DEPDC5: variants seen among roughly 807,000 people sequenced by gnomAD.
DEPDC5 encodes GATOR1 complex protein DEPDC5.
In DEPDC5, 73 loss-of-function variants were observed where a neutral mutation model predicts 217.3. The observed-to-expected ratio is 0.34, with a 90% CI of 0.28 to 0.41. The LOEUF is 0.41. Among genes scored for constraint, DEPDC5 ranks in the 10% least tolerant of loss-of-function variants. The pLI is 1.00. For missense variants in DEPDC5, 1,675 were observed against 2,070.1 expected, an observed-to-expected ratio of 0.81 and a Z score of 3.70; for synonymous variants, 733 against 756.7, an observed-to-expected ratio of 0.97 and a Z score of 0.51.
chr22:31,820,655 T>G (rs925912947), intron 22 of DEPDC5, among the ~76,000 whole-genome samples: 4 of 152,172 alleles, frequency 2.6e-5, no homozygotes, highest in African/African-American at 4.8e-5. Flanking sequence ...ACTGGTTCCC[T>G]TCCAGGTCAC....
chr22:31,758,668 T>A, intron 3 of DEPDC5, 35 bp downstream of exon 3: 1 of 1,584,386 alleles, frequency 6.3e-7, no homozygotes, highest in Non-Finnish European at 8.7e-7. Flanking sequence ...AACTGGGCAA[T>A]TCACTGTTTC....
chr22:31,901,664 A>C, intron 40 of DEPDC5, 78 bp from the exon 41 acceptor site: 2 of 1,273,990 alleles, frequency 1.6e-6, no homozygotes, highest in Non-Finnish European at 2.2e-6. Context: ...AGAGTAGTAA[A>C]GGGTACAGAA....
Position 31,766,768 on chromosome 22 carries a change from A to G in DEPDC5, c.363+100A>G, listed in dbSNP as rs878888741. 26 of 1,014,804 alleles carry G rather than the reference A, an allele frequency of 2.6e-5. No individual in the cohort carries two copies. The South Asian group carries it at 3.7e-4, about 14-fold the overall frequency. The allele number at this position is 1,014,804 out of a possible 1,614,324, so 62.9% of individuals were successfully genotyped here. ...AATATAAAATCGTTTCTGATTTTAT[A>G]TCAGCATCTACAGACAATTATTGTC... On this transcript the variant is annotated intron_variant, in intron 6 of 42. Transcript: ENST00000651528.
intron 36 of DEPDC5, chr22:31,875,937 G>A: frequency 2.1e-6 from 1 of 466,318 alleles, no homozygotes; most frequent in Non-Finnish European, 3.8e-6. Flanking sequence ...CCGGCCATCT[G>A]AATTTCTTCA....
chr22:31,783,363 G>T (rs560738185), intron 8 of DEPDC5, among the ~76,000 whole-genome samples: 1 of 152,208 alleles, frequency 6.6e-6, no homozygotes, highest in Non-Finnish European at 1.5e-5. Context: ...CACCATGAAG[G>T]TCCGCAGCTT....
At chr22:31,886,755 C>CG (rs2093322799) in intron 38 of DEPDC5, among the ~76,000 whole-genome samples, 1 of 52,122 alleles carries the variant, frequency 1.9e-5, no homozygotes, top group African/African-American at 5.7e-5. Context: ...GTCTCCATCT[C>CG]AAAAAAAAAA....
At chr22:31,788,666 C>T (rs552061631) in intron 10 of DEPDC5, among the ~76,000 whole-genome samples, 187 of 149,250 alleles carry the variant, frequency 1.3e-3, no homozygotes, top group African/African-American at 4.3e-3. Flanking sequence ...CTCTGCCTCC[C>T]GGGTTCAAGC....
At chr22:31,891,154 G>T in intron 38 of DEPDC5, 1 of 489,502 alleles carries the variant, frequency 2.0e-6, no homozygotes, top group South Asian at 1.9e-5. Flanking sequence ...TTATTTTTTT[G>T]TAGGAGCTCC....
intron 37 of DEPDC5, among the ~76,000 whole-genome samples, chr22:31,879,206 T>C (rs2093106336): frequency 6.6e-6 from 1 of 151,612 alleles, no homozygotes; most frequent in Non-Finnish European, 1.5e-5. Flanking sequence ...TCAGTGCATT[T>C]AGTACATCCA....
intron 4 of DEPDC5, among the ~76,000 whole-genome samples, chr22:31,763,286 G>A (rs1156440611): frequency 6.6e-6 from 1 of 151,988 alleles, no homozygotes; most frequent in African/African-American, 2.4e-5. Flanking sequence ...ACCATGCCCG[G>A]CCTAATTTTT....
chr22:31,836,677 G>T (rs549053520), intron 25 of DEPDC5, among the ~76,000 whole-genome samples: 1 of 152,136 alleles, frequency 6.6e-6, no homozygotes, highest in Non-Finnish European at 1.5e-5. Flanking sequence ...CTGCCCTGCC[G>T]TAATCTCACC....
intron 3 of DEPDC5, 88 bp downstream of exon 3, chr22:31,758,721 T>C: frequency 7.8e-7 from 1 of 1,283,180 alleles, no homozygotes; most frequent in Non-Finnish European, 1.1e-6. Flanking sequence ...CCTTTCAAAA[T>C]GCTCATGCTG....
At chr22:31,841,231 T>C (rs991005250) in intron 27 of DEPDC5, among the ~76,000 whole-genome samples, 3 of 152,246 alleles carry the variant, frequency 2.0e-5, no homozygotes, top group Non-Finnish European at 4.4e-5. Context: ...TGTATGCAGC[T>C]GGCCTGCTAC....
intron 23 of DEPDC5, 150 bp downstream of exon 23, chr22:31,821,787 T>A: frequency 8.9e-7 from 1 of 1,120,530 alleles, no homozygotes; most frequent in Non-Finnish European, 1.2e-6. Flanking sequence ...GCCAGTGGCA[T>A]TCCCTTCAGT....
At chr22:31,888,876 T>G (rs1322952806) in intron 38 of DEPDC5, among the ~76,000 whole-genome samples, 1 of 152,210 alleles carries the variant, frequency 6.6e-6, no homozygotes, top group Non-Finnish European at 1.5e-5. Context: ...CACTGGATTT[T>G]GGGATCAGAA....
chr22:31,901,242 C>CAA (rs1241211030), intron 40 of DEPDC5, among the ~76,000 whole-genome samples: 21 of 97,340 alleles, frequency 2.2e-4, no homozygotes, highest in Middle Eastern at 7.0e-3. Context: ...GACTCTCCCT[C>CAA]AAAAAAAAAA....
chr22:31,895,320 G>C (rs541287233), intron 39 of DEPDC5, among the ~76,000 whole-genome samples: 1 of 152,230 alleles, frequency 6.6e-6, no homozygotes, highest in South Asian at 2.1e-4. Flanking sequence ...GAGAAGCCCT[G>C]TTTTAACTGG....
chr22:31,848,739 T>G (rs1487400223), intron 31 of DEPDC5, among the ~76,000 whole-genome samples: 1 of 152,250 alleles, frequency 6.6e-6, no homozygotes, highest in African/African-American at 2.4e-5. Flanking sequence ...TGCAAATTTC[T>G]GCAGTAGGCT....
chr22:31,774,297 TCAAG>T lies in DEPDC5; in HGVS notation c.414-3798_414-3795del, dbSNP rs1236255430. Reference sequence around the variant, plus strand: ...GCTCTGCAACCTCTGCCTCCCAGGCTCAAGCAATTCTCCTGCCTCAGCCTCTCAA... The same window carrying T: ...GCTCTGCAACCTCTGCCTCCCAGGCTCAATTCTCCTGCCTCAGCCTCTCAA... On this transcript the variant is annotated intron_variant, in intron 7 of 42. Coordinates refer to ENST00000651528, the MANE Select transcript of DEPDC5 (RefSeq NM_001242896.3). Among the ~76,000 whole-genome samples, 16 of 149,366 alleles carry T rather than the reference TCAAG, an allele frequency of 1.1e-4. 1 individual carries two copies. Among genetic ancestry groups the T allele is most frequent in the African/African-American group, 3.9e-4 (16 of 40,774 alleles).
Sources: gnomAD v4.1 joint callset for allele counts (sites outside exome capture counted in the v4.1 genomes callset) on GRCh38, gnomAD v4.1.1 for gene constraint, MANE v1.5 for transcripts, NCBI Gene and HGNC (gene_info 2026-07-23, HGNC 2026-07-21) for gene names.